RBM18: variants seen among roughly 807,000 people sequenced by gnomAD.
RBM18 encodes RNA binding motif protein 18.
Under a neutral mutation model 26.4 loss-of-function variants are expected in RBM18, and 18 were observed. The observed-to-expected ratio is 0.68, with a 90% CI of 0.47 to 1.01. The LOEUF is 1.01. RBM18 is among the 50% of genes least tolerant of loss of function. The pLI, the probability that RBM18 is intolerant of heterozygous loss-of-function variation, is 0.00. For synonymous variants in RBM18, 74 were observed against 81.1 expected, an observed-to-expected ratio of 0.91 and a Z score of 0.47; for missense variants, 180 against 219.2, an observed-to-expected ratio of 0.82 and a Z score of 1.13.
intron 1 of RBM18, 32 bp from the exon 2 acceptor site, chr9:122,261,540 G>A (rs780524346): frequency 1.0e-5 from 14 of 1,343,392 alleles, no homozygotes; most frequent in Admixed American, 1.7e-5. Context: ...AGGCAGGAGG[G>A]GAGTAACAAT....
chr9:122,251,850 C>T lies in RBM18; in HGVS notation c.237G>A (p.Lys79=). The T allele has an allele frequency of 3.1e-6, 5 of 1,613,666 alleles. No homozygotes were observed. Among genetic ancestry groups the T allele is most frequent in the Non-Finnish European group, 4.2e-6 (5 of 1,179,658 alleles). The change falls in exon 3 of 6, where the codon AAG becomes AAA. Residue 79 remains lysine (K), a synonymous_variant. Coordinates refer to ENST00000417201, the MANE Select transcript of RBM18 (RefSeq NM_033117.4). ...RGYCFVNFET[K]QEAEQAIQCL... ...AATGGGGAGAAAGCTTAATTACCTGCTTAGTTTCAAAGTTAACAAAACAGT... is the reference window on the plus strand; with the variant it reads ...AATGGGGAGAAAGCTTAATTACCTGTTTAGTTTCAAAGTTAACAAAACAGT...
rs772800138 is a variant in RBM18, at chr9:122,241,878, C to T, written c.*6G>A. 1 of 1,610,946 alleles carries T rather than the reference C, an allele frequency of 6.2e-7. No individual in the cohort carries two copies. Among genetic ancestry groups the T allele is most frequent in the Non-Finnish European group, 8.5e-7 (1 of 1,179,014 alleles). The stretch of plus-strand genomic sequence containing the variant: ...TTGCTTTTGCTGCTACAGTAATTCA[C>T]AACCATCATCTTCGAGATTTCCATG... On this transcript the variant is annotated 3_prime_UTR_variant, in exon 6 of 6. Transcript: ENST00000417201.
intron 2 of RBM18, among the ~76,000 whole-genome samples, chr9:122,259,535 G>A (rs1276565498): frequency 1.3e-5 from 2 of 152,256 alleles, no homozygotes; most frequent in African/African-American, 2.4e-5. Context: ...CTTAAATACC[G>A]TCATAATTTC....
intron 1 of RBM18, among the ~76,000 whole-genome samples, chr9:122,262,322 T>C (rs1307203367): frequency 6.6e-6 from 1 of 152,212 alleles, no homozygotes; most frequent in Non-Finnish European, 1.5e-5. Flanking sequence ...AGTTCCCTCA[T>C]CTGTAAAATG....
In RBM18 at chr9:122,247,581, A is replaced by T. The variant is rs1451476550; in HGVS notation, c.264T>A (p.Cys88Ter). Residue 88 changes from cysteine to a stop codon, truncating the protein, a stop_gained, in exon 4 of 6, where the codon TGT becomes TGA. Coordinates refer to ENST00000417201, the MANE Select transcript of RBM18 (RefSeq NM_033117.4). LOFTEE classifies it high-confidence loss of function. ...TGGACAGGGCCAACTTGCCATTGAG[A>T]CACTGGATGGCTTGCTCTGCTTCCT... ...TKQEAEQAIQ[C>*]LNGKLALSKK... 1 of 1,613,896 alleles carries T rather than the reference A, an allele frequency of 6.2e-7. No individual in the cohort carries two copies. Among genetic ancestry groups the T allele is most frequent in the Admixed American group, 1.7e-5 (1 of 60,008 alleles).
chr9:122,241,631 C>T lies in RBM18; in HGVS notation c.*253G>A, dbSNP rs2118947288. On this transcript the variant is annotated 3_prime_UTR_variant, in exon 6 of 6. Transcript: ENST00000417201. ...TTCTGGAGTTACAAATCCAAACCAA[C>T]CAGCCAATTAGAGCATCCCAGGGTT... The T allele has an allele frequency of 2.8e-6, 1 of 351,378 alleles. No homozygotes were observed. The highest frequency in any genetic ancestry group is 4.6e-5 in the East Asian group (1 of 21,672). The allele number at this position is 351,378 out of a possible 1,614,324, so 21.8% of individuals were successfully genotyped here.
At chr9:122,243,820 T>C in intron 5 of RBM18, 4 of 985,138 alleles carry the variant, frequency 4.1e-6, no homozygotes, top group Non-Finnish European at 4.8e-6. Context: ...GGAAGCAACC[T>C]TCTCTCATTA....
chr9:122,256,845 G>A lies in RBM18; in HGVS notation c.113+4535C>T, dbSNP rs1392310395. 5.3e-5 allele frequency among the ~76,000 whole-genome samples: 8 copies of A among 152,158 alleles called. 1 individual carries two copies. The highest frequency in any genetic ancestry group is 3.3e-4 in the Admixed American group (5 of 15,278). Reference sequence around the variant, plus strand: ...ATGTAAGACAGACTCATGCAGTCTAGAGCTAGAAGTAATGCTCAGATCATT... The same window carrying A: ...ATGTAAGACAGACTCATGCAGTCTAAAGCTAGAAGTAATGCTCAGATCATT... On this transcript the variant is annotated intron_variant, in intron 2 of 5. Coordinates refer to ENST00000417201, the MANE Select transcript of RBM18 (RefSeq NM_033117.4).
chr9:122,243,874 TA>T, intron 5 of RBM18: 1 of 985,004 alleles, frequency 1.0e-6, no homozygotes. Context: ...GTCCTCTGGA[TA>T]AAAAAATAGA....
Position 122,241,087 on chromosome 9 carries a change from T to C in RBM18, c.*797A>G, listed in dbSNP as rs1335967760. The C allele has an allele frequency of 6.6e-6, 1 of 152,202 alleles. No homozygotes were observed. The highest frequency in any genetic ancestry group is 2.4e-5 in the African/African-American group (1 of 41,458). 9.4% of individuals were successfully genotyped at this position (152,202 alleles called of 1,614,324 possible). On this transcript the variant is annotated 3_prime_UTR_variant, in exon 6 of 6. Transcript: ENST00000417201. ...TATAAAAACAATCCCATGCAATAAA[T>C]GTAATTTTAAAAGTCCCATGATAAT...
At position 122,251,973 on chromosome 9, in the gene RBM18, T is replaced by C. The variant is rs1340230811; in HGVS notation, c.114A>G (p.Glu38=). 2 of 1,613,954 alleles carry C rather than the reference T, an allele frequency of 1.2e-6. No individual in the cohort carries two copies. The highest frequency in any genetic ancestry group is 1.3e-5 in the African/African-American group (1 of 74,906). Residue 38 remains glutamate (E), a splice_region_variant and synonymous_variant, in exon 3 of 6, where the codon GAA becomes GAG. Coordinates refer to ENST00000417201, the MANE Select transcript of RBM18 (RefSeq NM_033117.4). ...WIGNLDPKIT[E]YHLLKLLQKF... is the part of the protein sequence containing the mutation. ...TCTGGAGGAGCTTGAGGAGGTGGTA[T>C]CTGTGGAGAAAGAAGAGTCCATGAG...
rs1236729046 is a variant in RBM18, at chr9:122,239,113, A to T, written c.*2771T>A. The T allele has an allele frequency of 6.6e-6, 1 of 152,236 alleles. No homozygotes were observed. Among genetic ancestry groups the T allele is most frequent in the East Asian group, 1.9e-4 (1 of 5,206 alleles). 9.4% of individuals were successfully genotyped at this position (152,236 alleles called of 1,614,324 possible). A position where few individuals can be genotyped will look rare whatever the true frequency, so the allele number is the denominator to read the frequency against. On this transcript the variant is annotated 3_prime_UTR_variant, in exon 6 of 6. Coordinates refer to ENST00000417201, the MANE Select transcript of RBM18 (RefSeq NM_033117.4). ...ATGTAGTAGTATAAAAGAATCACAG[A>T]TATATTTGTTGATTCAGAAACTGTG...
At position 122,238,106 on chromosome 9, in the gene RBM18, TTG is replaced by T. The variant is rs1831357641; in HGVS notation, c.*3776_*3777del. The T allele has an allele frequency of 6.6e-6, 1 of 152,228 alleles. No individual in the cohort carries two copies. The highest frequency in any genetic ancestry group is 1.5e-5 in the Non-Finnish European group (1 of 68,040). 9.4% of individuals were successfully genotyped at this position (152,228 alleles called of 1,614,324 possible). A position where few individuals can be genotyped will look rare whatever the true frequency, so the allele number is the denominator to read the frequency against. On this transcript the variant is annotated 3_prime_UTR_variant, in exon 6 of 6. Coordinates refer to ENST00000417201, the MANE Select transcript of RBM18 (RefSeq NM_033117.4). ...ACCAGGTGACCCTGGCCAAATCGCT[TTG>T]TCTCTCTGGGTTCCCGTTTTCCCCA...
intron 5 of RBM18, among the ~76,000 whole-genome samples, chr9:122,244,676 A>G (rs1409503178): frequency 7.2e-6 from 1 of 139,412 alleles, no homozygotes; most frequent in Admixed American, 7.3e-5. Flanking sequence ...AAGGCAAAAC[A>G]AAACAAAACA....
chr9:122,248,829 A>G (rs1831550314), intron 3 of RBM18, among the ~76,000 whole-genome samples: 1 of 152,224 alleles, frequency 6.6e-6, no homozygotes, highest in African/African-American at 2.4e-5. Context: ...GGGAGAGGCT[A>G]TAGAAGCCAG....
rs7035313 is a variant in RBM18 at position 122,264,840 on chromosome 9, A to C, written c.-142T>G. The stretch of plus-strand genomic sequence containing the variant: ...CTGCCAGGCCGCCCGTGACGCGTTA[A>C]GCCTGCGCCGCCTCCTGGCTTCGTG... On this transcript the variant is annotated 5_prime_UTR_variant, in exon 1 of 6. Coordinates refer to ENST00000417201, the MANE Select transcript of RBM18 (RefSeq NM_033117.4). 145,431 of 152,670 alleles carry C rather than the reference A, an allele frequency of 0.95. 69,334 individuals are homozygous for C. The highest frequency in any genetic ancestry group is 1 in the East Asian group (5,180 of 5,182). 9.5% of individuals were successfully genotyped at this position (152,670 alleles called of 1,614,324 possible).
chr9:122,251,800 T>A (rs954256570), intron 3 of RBM18, 47 bp downstream of exon 3: 5 of 1,575,326 alleles, frequency 3.2e-6, no homozygotes, highest in Middle Eastern at 1.7e-4. Context: ...CAAATAATTA[T>A]GACAGAGCTT....
intron 3 of RBM18, among the ~76,000 whole-genome samples, chr9:122,250,287 T>C (rs1831579448): frequency 6.6e-6 from 1 of 152,112 alleles, no homozygotes; most frequent in South Asian, 2.1e-4. Context: ...ATCTGGCAGT[T>C]TTATTAAGAA....
At chr9:122,254,547 G>A (rs983549909) in intron 2 of RBM18, among the ~76,000 whole-genome samples, 2 of 152,266 alleles carry the variant, frequency 1.3e-5, no homozygotes, top group South Asian at 2.1e-4. Flanking sequence ...TGAAATGTGC[G>A]CCCTGCAGCC....
Sources: gnomAD v4.1 joint callset for allele counts (sites outside exome capture counted in the v4.1 genomes callset) on GRCh38, gnomAD v4.1.1 for gene constraint, MANE v1.5 for transcripts, NCBI Gene and HGNC (gene_info 2026-07-23, HGNC 2026-07-21) for gene names.